Variants in SHCBP1L observed in about 807,000 individuals in gnomAD.
SHCBP1L encodes the protein testicular spindle-associated protein SHCBP1L.
In SHCBP1L, 67 loss-of-function variants were observed where a neutral mutation model predicts 62.5. The ratio of observed to expected loss-of-function variants is 1.07; its 90% CI spans 0.88 to 1.31. The LOEUF (loss-of-function observed/expected upper bound fraction) is 1.31. SHCBP1L is among the 40% of genes most tolerant of loss of function. SHCBP1L has a pLI of 0.00. For synonymous variants in SHCBP1L, 284 were observed against 289.4 expected (o/e 0.98, Z 0.19); for missense variants, 823 against 809.8 (o/e 1.02, Z -0.20).
chr1:182,916,415 A>T (rs913148317), intron 6 of SHCBP1L, among the ~76,000 whole-genome samples: 3 of 152,174 alleles, frequency 2.0e-5, no homozygotes, highest in African/African-American at 7.2e-5. Context: ...ACAAAATCAA[A>T]AATTAATTTT....
chr1:182,915,553 T>C (rs1324959334), intron 6 of SHCBP1L, among the ~76,000 whole-genome samples: 1 of 152,028 alleles, frequency 6.6e-6, no homozygotes, highest in East Asian at 1.9e-4. Context: ...AATAAGGAAA[T>C]AGAGGACTTG....
chr1:182,917,294 T>C (rs1354237961), intron 6 of SHCBP1L, among the ~76,000 whole-genome samples: 1 of 152,162 alleles, frequency 6.6e-6, no homozygotes, highest in Non-Finnish European at 1.5e-5. Flanking sequence ...ATTCCAAGAA[T>C]TCAAGAGTGA....
intron 6 of SHCBP1L, among the ~76,000 whole-genome samples, chr1:182,922,552 TAAAA>T (rs201825711): frequency 3.0e-5 from 4 of 132,420 alleles, no homozygotes; most frequent in African/African-American, 2.8e-5. Flanking sequence ...AGACTCCATC[TAAAA>T]AAAAAAAAAA....
intron 1 of SHCBP1L, 54 bp downstream of exon 1, chr1:182,952,675 C>T: frequency 6.5e-6 from 10 of 1,536,146 alleles, no homozygotes; most frequent in South Asian, 6.4e-5. Context: ...AGATGCCTGT[C>T]CCCAGGTTCC....
chr1:182,949,051 A>C (rs532511411), intron 2 of SHCBP1L, among the ~76,000 whole-genome samples: 3 of 152,214 alleles, frequency 2.0e-5, no homozygotes, highest in Non-Finnish European at 4.4e-5. Context: ...TAAATAATCA[A>C]TGTATTGCAG....
intron 6 of SHCBP1L, among the ~76,000 whole-genome samples, chr1:182,910,875 TTATC>T (rs1319976046): frequency 6.6e-6 from 1 of 152,080 alleles, no homozygotes; most frequent in African/African-American, 2.4e-5. Flanking sequence ...TTCTAGTTAT[TTATC>T]TATTTTTTTG....
chr1:182,900,759 C>T (rs1442190174), intron 9 of SHCBP1L, among the ~76,000 whole-genome samples: 6 of 152,042 alleles, frequency 3.9e-5, no homozygotes, highest in Non-Finnish European at 5.9e-5. Context: ...GAGCCAGGTG[C>T]GGTGGCTCAT....
At chr1:182,937,032 T>C (rs1164355413) in intron 5 of SHCBP1L, among the ~76,000 whole-genome samples, 1 of 152,012 alleles carries the variant, frequency 6.6e-6, no homozygotes, top group Non-Finnish European at 1.5e-5. Context: ...CCAGCCTGGG[T>C]GACAGGGCAA....
intron 5 of SHCBP1L, among the ~76,000 whole-genome samples, chr1:182,930,701 GTGTATA>G (rs1364627112): frequency 5.2e-5 from 2 of 38,464 alleles, no homozygotes; most frequent in African/African-American, 1.2e-4. Flanking sequence ...GTGTGTGTGT[GTGTATA>G]TATATATATA....
chr1:182,921,420 C>T (rs774580455), intron 6 of SHCBP1L, among the ~76,000 whole-genome samples: 1 of 152,226 alleles, frequency 6.6e-6, no homozygotes. Flanking sequence ...AGACCATTCA[C>T]ACTATAAAGT....
At chr1:182,928,022 T>A (rs1264956003) in intron 6 of SHCBP1L, among the ~76,000 whole-genome samples, 1 of 152,224 alleles carries the variant, frequency 6.6e-6, no homozygotes, top group Middle Eastern at 3.2e-3. Context: ...TAAAAAGATG[T>A]TTTAAAAGGT....
intron 2 of SHCBP1L, among the ~76,000 whole-genome samples, 197 bp downstream of exon 2, chr1:182,951,121 A>C (rs1007232196): frequency 1.3e-5 from 2 of 152,210 alleles, no homozygotes; most frequent in Non-Finnish European, 2.9e-5. Flanking sequence ...ATACTACTAG[A>C]TTCCATTTAA....
At chr1:182,909,459 T>C (rs941810719) in intron 6 of SHCBP1L, among the ~76,000 whole-genome samples, 1 of 152,060 alleles carries the variant, frequency 6.6e-6, no homozygotes. Context: ...ACAAAGAATA[T>C]TGAAAAGTAG....
chr1:182,930,951 C>T (rs1312336108), intron 5 of SHCBP1L, among the ~76,000 whole-genome samples: 1 of 146,862 alleles, frequency 6.8e-6, no homozygotes, highest in African/African-American at 2.5e-5. Context: ...GTCTTGAACT[C>T]CTGGCCTCAA....
At chr1:182,904,589 T>C (rs1270745716) in intron 7 of SHCBP1L, among the ~76,000 whole-genome samples, 159 bp from the exon 8 acceptor site, 2 of 150,130 alleles carry the variant, frequency 1.3e-5, no homozygotes, top group South Asian at 2.1e-4. Context: ...GCATGCGCAT[T>C]TTTAGAGATG....
intron 2 of SHCBP1L, 112 bp from the exon 3 acceptor site, chr1:182,940,655 C>G: frequency 1.3e-6 from 1 of 789,368 alleles, no homozygotes; most frequent in Non-Finnish European, 1.9e-6. Context: ...AAATTTATGA[C>G]TTCTTCAACA....
Position 182,940,491 on chromosome 1 carries a change from G to A in SHCBP1L, c.608C>T (p.Ser203Phe). ...DSSSRFKVTV[S>F]VAEPFSSNIA... is the part of the protein sequence containing the mutation. ...GTTGGAAGAAAAGGGCTCAGCAACA[G>A]AAACAGTAACTTTGAAACGAGATGA... Residue 203 changes from serine (S) to phenylalanine (F), a missense_variant, in exon 3 of 10, where the codon TCT (serine) becomes TTT (phenylalanine). By Grantham distance (155) the Ser-to-Phe change is radical. Coordinates refer to ENST00000367547, the MANE Select transcript of SHCBP1L (RefSeq NM_030933.4). 1 of 1,613,924 alleles carries A rather than the reference G, an allele frequency of 6.2e-7. No homozygotes were observed. The highest frequency in any genetic ancestry group is 8.5e-7 in the Non-Finnish European group (1 of 1,179,948).
chr1:182,919,160 T>A (rs930645293), intron 6 of SHCBP1L, among the ~76,000 whole-genome samples: 2 of 152,270 alleles, frequency 1.3e-5, no homozygotes, highest in African/African-American at 4.8e-5. Flanking sequence ...TTAGTCTATC[T>A]GTGCTGCTGT....
At chr1:182,916,140 G>C (rs2101928641) in intron 6 of SHCBP1L, among the ~76,000 whole-genome samples, 1 of 152,124 alleles carries the variant, frequency 6.6e-6, no homozygotes, top group East Asian at 1.9e-4. Context: ...ATGGCTCAAA[G>C]ATGAAACAAA....
Sources: allele counts gnomAD v4.1 joint callset (sites outside exome capture counted in the v4.1 genomes callset), GRCh38; gene constraint gnomAD v4.1.1; transcripts MANE v1.5; gene names NCBI Gene and HGNC (gene_info 2026-07-23, HGNC 2026-07-21).